Variants in FAM222A observed in about 807,000 individuals in gnomAD.
The protein encoded by FAM222A is family with sequence similarity 222 member A, also known as protein FAM222A.
Under a neutral mutation model 25.8 loss-of-function variants are expected in FAM222A, and 7 were observed. That is an observed-to-expected ratio of 0.27 (90% CI 0.15 to 0.51). The LOEUF (loss-of-function observed/expected upper bound fraction) is 0.51. FAM222A is among the 20% of genes least tolerant of loss of function. The pLI is 0.97. For synonymous variants in FAM222A, 294 were observed against 298.8 expected, an observed-to-expected ratio of 0.98 and a Z score of 0.17; for missense variants, 573 against 640.5, an observed-to-expected ratio of 0.89 and a Z score of 1.14.
intron 1 of FAM222A, among the ~76,000 whole-genome samples, chr12:109,740,248 G>A (rs376945856): frequency 6.6e-6 from 1 of 152,120 alleles, no homozygotes; most frequent in South Asian, 2.1e-4. Flanking sequence ...GACAGCTGGG[G>A]GCGTTATCTG....
intron 1 of FAM222A, among the ~76,000 whole-genome samples, chr12:109,740,483 G>T (rs928177259): frequency 2.6e-5 from 4 of 152,210 alleles, no homozygotes; most frequent in Admixed American, 2.6e-4. Context: ...CTTGGCCAGG[G>T]GGGTAATGAG....
At chr12:109,744,660 G>A (rs1293324639) in intron 2 of FAM222A, 13 of 985,296 alleles carry the variant, frequency 1.3e-5, no homozygotes, top group African/African-American at 1.7e-5. Flanking sequence ...CTCTGGCCTT[G>A]CTTTTTCACT....
chr12:109,733,551 A>C lies in FAM222A; in HGVS notation c.-46-10550A>C, dbSNP rs572695824. ...CCTGAGTAGCTGGGACTACAGGCAC[A>C]CGCCACCACGCCTGGCTAATTTTTT... On this transcript the variant is annotated intron_variant, in intron 1 of 2. Transcript: ENST00000538780. 3.4e-4 allele frequency among the ~76,000 whole-genome samples: 51 copies of C among 152,108 alleles called. 2 individuals carry two copies. In the South Asian group the frequency reaches 9.8e-3, roughly 29 times the overall value.
At chr12:109,762,215 G>A (rs1888918832) in intron 2 of FAM222A, among the ~76,000 whole-genome samples, 1 of 152,212 alleles carries the variant, frequency 6.6e-6, no homozygotes. Flanking sequence ...GTGCCAAACA[G>A]CCAGTCATGC....
intron 2 of FAM222A, among the ~76,000 whole-genome samples, chr12:109,747,955 C>T (rs11068098): frequency 0.16 from 24,182 of 152,024 alleles, 2,112 homozygotes; most frequent in East Asian, 0.31. Context: ...ATAATAGTGG[C>T]GATAATAGAC....
chr12:109,729,657 C>T (rs148301808), intron 1 of FAM222A, among the ~76,000 whole-genome samples: 2 of 152,394 alleles, frequency 1.3e-5, no homozygotes, highest in African/African-American at 2.4e-5. Context: ...CACGCATGCA[C>T]ATGCTGGCGC....
chr12:109,719,366 C>T (rs1249810919), intron 1 of FAM222A, among the ~76,000 whole-genome samples: 2 of 152,152 alleles, frequency 1.3e-5, no homozygotes, highest in East Asian at 3.8e-4. Flanking sequence ...AAGGCAGAGG[C>T]GGGGTTCCAG....
At position 109,726,044 on chromosome 12, in the gene FAM222A, T is replaced by C. The variant is rs540512353; in HGVS notation, c.-47+11147T>C. ...CAGCCAGGGAGATGGGTCAGGCTGC[T>C]GGCCTGGGCCTCCTGCCCCGTTCTC... On this transcript the variant is annotated intron_variant, in intron 1 of 2. Transcript: ENST00000538780. Among the ~76,000 whole-genome samples, 6 of 147,748 alleles carry C rather than the reference T, an allele frequency of 4.1e-5. No individual in the cohort carries two copies. In the South Asian group the frequency reaches 1.3e-3, roughly 32 times the overall value.
At chr12:109,719,423 C>T (rs1172952144) in intron 1 of FAM222A, among the ~76,000 whole-genome samples, 1 of 152,206 alleles carries the variant, frequency 6.6e-6, no homozygotes, top group Non-Finnish European at 1.5e-5. Context: ...TCGGTAAAAC[C>T]AGGCTTTAGG....
At chr12:109,738,723 C>G (rs1020716297) in intron 1 of FAM222A, among the ~76,000 whole-genome samples, 14 of 152,220 alleles carry the variant, frequency 9.2e-5, no homozygotes, top group African/African-American at 2.9e-4. Context: ...GTCTAGAGCC[C>G]CTTTGTGTGC....
intron 2 of FAM222A, among the ~76,000 whole-genome samples, chr12:109,763,495 TG>T (rs1227563463): frequency 1.3e-5 from 2 of 152,228 alleles, no homozygotes; most frequent in Non-Finnish European, 2.9e-5. Flanking sequence ...AAGGCCTGAC[TG>T]GGGCTGGAGG....
rs201840129 is a variant in FAM222A at position 109,769,239 on chromosome 12, G to A, written c.1310G>A (p.Arg437Gln). The A allele has an allele frequency of 6.1e-5, 99 of 1,611,604 alleles. No homozygotes were observed. Among genetic ancestry groups the A allele is most frequent in the Admixed American group, 8.3e-5 (5 of 59,898 alleles). The change falls in exon 3 of 3, where the codon CGG becomes CAG. Residue 437 changes from arginine to glutamine, a missense_variant. This residue lies in a region of FAM222A where 49 missense variants were observed against 78.9 expected (regional missense o/e 0.62). Coordinates refer to ENST00000538780, the MANE Select transcript of FAM222A (RefSeq NM_032829.3). ...GKGYETVAVP[R>Q]LLDHQHAHIR... ...GGCTATGAGACGGTGGCCGTGCCCC[G>A]GCTACTCGACCACCAGCATGCCCAC...
At chr12:109,727,683 C>G (rs938860213) in intron 1 of FAM222A, among the ~76,000 whole-genome samples, 1 of 152,182 alleles carries the variant, frequency 6.6e-6, no homozygotes, top group Non-Finnish European at 1.5e-5. Flanking sequence ...ATGTGGCCGA[C>G]TCTAAAGCTT....
intron 1 of FAM222A, among the ~76,000 whole-genome samples, chr12:109,730,922 T>TG (rs1455270842): frequency 6.6e-6 from 1 of 152,154 alleles, no homozygotes; most frequent in Non-Finnish European, 1.5e-5. Context: ...TGTCATCTCC[T>TG]GGGGTGAGAG....
chr12:109,738,892 G>A (rs531603737), intron 1 of FAM222A, among the ~76,000 whole-genome samples: 70 of 152,368 alleles, frequency 4.6e-4, no homozygotes, highest in Non-Finnish European at 7.6e-4. Context: ...GAGAGGTGCT[G>A]TGACTTCCTC....
rs2136397073 is a variant in FAM222A, at chr12:109,770,359, T to G, written c.*1071T>G. The G allele has an allele frequency of 6.5e-6, 1 of 152,790 alleles. No homozygotes were observed. Among genetic ancestry groups the G allele is most frequent in the Non-Finnish European group, 1.5e-5 (1 of 68,042 alleles). The allele number at this position is 152,790 out of a possible 1,614,324, so 9.5% of individuals were successfully genotyped here. Reference sequence around the variant, plus strand: ...TACTGTATCTCTCTCCAAGGCCTGGTCAAGCACTAAGTGCATTTACAAATC... The same window carrying G: ...TACTGTATCTCTCTCCAAGGCCTGGGCAAGCACTAAGTGCATTTACAAATC... On this transcript the variant is annotated 3_prime_UTR_variant, in exon 3 of 3. Transcript: ENST00000538780.
chr12:109,767,905 G>T, intron 2 of FAM222A, 107 bp from the exon 3 acceptor site: 1 of 1,090,054 alleles, frequency 9.2e-7, no homozygotes, highest in Non-Finnish European at 1.3e-6. Flanking sequence ...AAGGAATAAG[G>T]AGTAAAATGA....
At chr12:109,742,466 C>T (rs565062456) in intron 1 of FAM222A, among the ~76,000 whole-genome samples, 5 of 152,306 alleles carry the variant, frequency 3.3e-5, no homozygotes, top group African/African-American at 7.2e-5. Flanking sequence ...ATTGTAATGG[C>T]CTATTTTAAA....
At chr12:109,736,534 A>C (rs1223682477) in intron 1 of FAM222A, among the ~76,000 whole-genome samples, 1 of 152,072 alleles carries the variant, frequency 6.6e-6, no homozygotes. Flanking sequence ...GTGTGTCCTT[A>C]CATCATGACC....
Sources: gnomAD v4.1 joint callset for allele counts (sites outside exome capture counted in the v4.1 genomes callset) on GRCh38, gnomAD v4.1.1 for gene constraint, gnomAD v4.1.1 regional missense constraint, MANE v1.5 for transcripts, NCBI Gene and HGNC (gene_info 2026-07-23, HGNC 2026-07-21) for gene names.